The following TEX36 variants were observed in gnomAD, a reference collection of about 807,000 sequenced individuals.
The protein encoded by TEX36 is testis-expressed protein 36.
In TEX36, 12 loss-of-function variants were observed where a neutral mutation model predicts 13.6. The ratio of observed to expected loss-of-function variants is 0.88; its 90% CI spans 0.56 to 1.43. TEX36 has a LOEUF of 1.43. Ranked by LOEUF, TEX36 falls within the 40% of genes most tolerant of loss-of-function variation. The pLI, the probability that TEX36 is intolerant of heterozygous loss-of-function variation, is 0.00. For missense variants in TEX36, 224 were observed against 228.3 expected (o/e 0.98, Z 0.12); for synonymous variants, 93 against 83.0 (o/e 1.12, Z -0.65).
At chr10:125,631,337 G>A (rs930703902) in intron 3 of TEX36, among the ~76,000 whole-genome samples, 2 of 152,168 alleles carry the variant, frequency 1.3e-5, no homozygotes, top group African/African-American at 4.8e-5. Flanking sequence ...CTGACATTGT[G>A]GTCACTAATC....
intron 3 of TEX36, among the ~76,000 whole-genome samples, chr10:125,637,858 A>C (rs1251845733): frequency 6.7e-6 from 1 of 149,988 alleles, no homozygotes; most frequent in African/African-American, 2.5e-5. Context: ...TCCTGCCCCC[A>C]CTCCTGAGCT....
intron 3 of TEX36, among the ~76,000 whole-genome samples, chr10:125,609,643 G>A (rs776874594): frequency 1.2e-4 from 18 of 152,218 alleles, no homozygotes; most frequent in Non-Finnish European, 2.5e-4. Context: ...GCTGTGAAGA[G>A]AGAACTTTGC....
intron 1 of TEX36, chr10:125,667,006 G>A (rs1030102596): frequency 6.2e-6 from 9 of 1,445,408 alleles, no homozygotes; most frequent in African/African-American, 2.8e-5. Context: ...CAGCCTTCAG[G>A]TTCTCCTTCT....
chr10:125,583,526 G>A (rs1440509737), intron 3 of TEX36, among the ~76,000 whole-genome samples: 1 of 152,158 alleles, frequency 6.6e-6, no homozygotes, highest in African/African-American at 2.4e-5. Flanking sequence ...ATTCATGAGG[G>A]CAAAGTCTTC....
chr10:125,647,700 C>CA (rs567883967), intron 3 of TEX36, among the ~76,000 whole-genome samples: 9 of 151,722 alleles, frequency 5.9e-5, no homozygotes, highest in African/African-American at 2.2e-4. Context: ...CAGAGCAGGG[C>CA]GGGGCATTGC....
intron 3 of TEX36, among the ~76,000 whole-genome samples, chr10:125,594,199 A>G (rs1846054505): frequency 6.6e-6 from 1 of 152,254 alleles, no homozygotes. Flanking sequence ...TGGTTTCTAC[A>G]GTATAGTAGC....
intron 3 of TEX36, among the ~76,000 whole-genome samples, chr10:125,635,283 C>G (rs991722475): frequency 3.3e-5 from 5 of 152,186 alleles, no homozygotes; most frequent in South Asian, 4.1e-4. Context: ...CAGACTCTTA[C>G]CCTGCATCTA....
chr10:125,651,463 T>A (rs576892434), downstream of TEX36, among the ~76,000 whole-genome samples: 39 of 152,208 alleles, frequency 2.6e-4, no homozygotes, highest in Admixed American at 4.6e-4. Flanking sequence ...ATGCTAAAAA[T>A]GCTCAATAAA....
chr10:125,608,686 G>A (rs948006745), intron 3 of TEX36, among the ~76,000 whole-genome samples: 2 of 152,160 alleles, frequency 1.3e-5, no homozygotes, highest in African/African-American at 4.8e-5. Flanking sequence ...GGCCTACTGT[G>A]TGCCAGCACT....
chr10:125,636,048 A>G (rs2133570950), intron 3 of TEX36, among the ~76,000 whole-genome samples: 1 of 150,482 alleles, frequency 6.6e-6, no homozygotes, highest in East Asian at 2.0e-4. Flanking sequence ...TAATTTTTAA[A>G]ATGTATTGTA....
At chr10:125,660,945 C>G in intron 3 of TEX36, 76 bp downstream of exon 3, 1 of 1,330,674 alleles carries the variant, frequency 7.5e-7, no homozygotes, top group Non-Finnish European at 1.1e-6. Context: ...AATCCTCTAT[C>G]TTCAACACAC....
intron 3 of TEX36, among the ~76,000 whole-genome samples, chr10:125,643,318 G>A (rs748895308): frequency 6.6e-6 from 1 of 152,178 alleles, no homozygotes; most frequent in Non-Finnish European, 1.5e-5. Flanking sequence ...ACTGCTCACA[G>A]GTAAGCTATC....
At chr10:125,577,017 C>A in intron 3 of TEX36, 3 of 1,122,446 alleles carry the variant, frequency 2.7e-6, no homozygotes, top group Non-Finnish European at 3.8e-6. Flanking sequence ...TGAGACTTAG[C>A]CTGAGCCCTA....
At chr10:125,646,208 T>A (rs1179966692) in intron 3 of TEX36, among the ~76,000 whole-genome samples, 1 of 151,930 alleles carries the variant, frequency 6.6e-6, no homozygotes, top group Non-Finnish European at 1.5e-5. Flanking sequence ...CACCTGTAGT[T>A]CCAGCTACTT....
intron 3 of TEX36, among the ~76,000 whole-genome samples, chr10:125,632,003 G>T (rs1846563152): frequency 6.6e-6 from 1 of 152,122 alleles, no homozygotes; most frequent in Non-Finnish European, 1.5e-5. Flanking sequence ...TAGGACAGAA[G>T]ATGGCAGCAG....
intron 3 of TEX36, among the ~76,000 whole-genome samples, chr10:125,580,014 T>C (rs1434836535): frequency 6.6e-6 from 1 of 152,256 alleles, no homozygotes; most frequent in Non-Finnish European, 1.5e-5. Context: ...GTCAACATGA[T>C]TTAGAAAGTA....
intron 3 of TEX36, among the ~76,000 whole-genome samples, chr10:125,659,748 A>G (rs1477571158): frequency 6.6e-6 from 1 of 152,234 alleles, no homozygotes; most frequent in Non-Finnish European, 1.5e-5. Context: ...AAGTGTAATT[A>G]GCCTGTAGGA....
At chr10:125,670,330 T>C (rs1163643325) in intron 1 of TEX36, among the ~76,000 whole-genome samples, 2 of 152,248 alleles carry the variant, frequency 1.3e-5, no homozygotes. Context: ...TTGATTTGCA[T>C]TTCTCTAATG....
downstream of TEX36, among the ~76,000 whole-genome samples, chr10:125,654,976 C>A (rs1055894206): frequency 6.6e-6 from 1 of 152,166 alleles, no homozygotes; most frequent in Non-Finnish European, 1.5e-5. Flanking sequence ...CAAGCATGTT[C>A]ATGTAACACT....
Sources: allele counts gnomAD v4.1 joint callset (sites outside exome capture counted in the v4.1 genomes callset), GRCh38; gene constraint gnomAD v4.1.1; transcripts MANE v1.5; gene names NCBI Gene and HGNC (gene_info 2026-07-23, HGNC 2026-07-21).